The following RBFOX1 variants were observed in gnomAD, a reference collection of about 807,000 sequenced individuals.
RBFOX1 encodes RNA binding protein fox-1 homolog 1.
A neutral mutation model predicts 57.7 loss-of-function variants in RBFOX1; 8 were observed. The ratio of observed to expected loss-of-function variants is 0.14; its 90% CI spans 0.08 to 0.25. RBFOX1 has a LOEUF of 0.25. Ranked by LOEUF, RBFOX1 falls within the 10% of genes least tolerant of loss-of-function variation. The probability of loss-of-function intolerance (pLI) is 1.00; values close to 1 mark genes in which losing one functional copy is unlikely to be tolerated. For missense variants in RBFOX1, 611 were observed against 548.5 expected (o/e 1.11, Z -1.14); for synonymous variants, 326 against 222.4 (o/e 1.47, Z -4.15).
At chr16:6,836,996 G>C (rs1421164422) in intron 3 of RBFOX1, among the ~76,000 whole-genome samples, 1 of 152,068 alleles carries the variant, frequency 6.6e-6, no homozygotes, top group African/African-American at 2.4e-5. Flanking sequence ...GACTCACATA[G>C]CTTCTCACGG....
intron 3 of RBFOX1, among the ~76,000 whole-genome samples, chr16:6,988,499 T>C (rs916711566): frequency 6.6e-6 from 1 of 152,106 alleles, no homozygotes; most frequent in Non-Finnish European, 1.5e-5. Context: ...GGGCTAAATA[T>C]ATTTTTAAAA....
chr16:7,169,235 A>G (rs1156756269), intron 4 of RBFOX1, among the ~76,000 whole-genome samples: 1 of 152,232 alleles, frequency 6.6e-6, no homozygotes, highest in African/African-American at 2.4e-5. Flanking sequence ...TGACGATGAA[A>G]ATCATAATAA....
chr16:5,743,542 G>T (rs2052860477), intron 3 of RBFOX1, among the ~76,000 whole-genome samples: 1 of 152,168 alleles, frequency 6.6e-6, no homozygotes. Context: ...ATATTAAAAT[G>T]ATCATTTTTT....
intron 2 of RBFOX1, among the ~76,000 whole-genome samples, chr16:5,556,879 A>G (rs1308270369): frequency 6.6e-6 from 1 of 152,202 alleles, no homozygotes; most frequent in Non-Finnish European, 1.5e-5. Flanking sequence ...TTATATGTCC[A>G]TTTTATAGGC....
chr16:7,082,568 A>T (rs1031396219), intron 4 of RBFOX1, among the ~76,000 whole-genome samples: 7 of 152,098 alleles, frequency 4.6e-5, no homozygotes, highest in East Asian at 1.9e-4. Flanking sequence ...TCTCAAAAAA[A>T]AAAAAATAAA....
chr16:6,911,822 T>C (rs2071690852), intron 3 of RBFOX1, among the ~76,000 whole-genome samples: 1 of 152,200 alleles, frequency 6.6e-6, no homozygotes, highest in African/African-American at 2.4e-5. Context: ...AGTAAATGAA[T>C]TTACTTTTTA....
intron 3 of RBFOX1, among the ~76,000 whole-genome samples, chr16:6,950,678 T>C (rs574311765): frequency 1.4e-4 from 22 of 152,086 alleles, no homozygotes; most frequent in Non-Finnish European, 2.6e-4. Context: ...GAGGTTCAGG[T>C]TGAGTTGAAG....
chr16:6,514,713 G>A (rs531302777), intron 2 of RBFOX1, among the ~76,000 whole-genome samples: 1 of 152,000 alleles, frequency 6.6e-6, no homozygotes. Context: ...CTCCTCCATA[G>A]TCATGAAGTT....
intron 2 of RBFOX1, among the ~76,000 whole-genome samples, chr16:6,521,500 T>C (rs532875544): frequency 1.4e-5 from 2 of 146,244 alleles, no homozygotes; most frequent in African/African-American, 5.1e-5. Flanking sequence ...CCTCCCGTTT[T>C]ATCCCCTCCC....
intron 3 of RBFOX1, among the ~76,000 whole-genome samples, chr16:6,936,594 A>C (rs971441014): frequency 2.6e-5 from 4 of 152,270 alleles, no homozygotes. Flanking sequence ...TGCCAGCCTA[A>C]GCACTTGACA....
At chr16:6,656,215 T>G (rs928224712) in intron 3 of RBFOX1, among the ~76,000 whole-genome samples, 5 of 152,210 alleles carry the variant, frequency 3.3e-5, no homozygotes, top group Non-Finnish European at 2.9e-5. Context: ...TCAGAGTGTT[T>G]AGAAAGCATG....
At chr16:6,891,506 A>G (rs998239234) in intron 3 of RBFOX1, among the ~76,000 whole-genome samples, 5 of 152,074 alleles carry the variant, frequency 3.3e-5, no homozygotes, top group South Asian at 2.1e-4. Flanking sequence ...GGGAAGATAT[A>G]TCAGCTACAT....
chr16:6,731,880 C>G (rs955687505), intron 3 of RBFOX1, among the ~76,000 whole-genome samples: 3 of 151,992 alleles, frequency 2.0e-5, no homozygotes, highest in East Asian at 3.9e-4. Flanking sequence ...TCCAAACAAA[C>G]AAAGTATCTG....
intron 1 of RBFOX1, among the ~76,000 whole-genome samples, chr16:6,257,905 A>G (rs1257110146): frequency 2.0e-5 from 3 of 152,138 alleles, no homozygotes; most frequent in Admixed American, 6.5e-5. Context: ...GTGTCTTTAT[A>G]CTAGAATGAT....
At chr16:6,283,301 G>A (rs1212887658) in intron 1 of RBFOX1, among the ~76,000 whole-genome samples, 1 of 152,112 alleles carries the variant, frequency 6.6e-6, no homozygotes, top group African/African-American at 2.4e-5. Context: ...ACCCAACCTG[G>A]ATTACAGAGC....
chr16:7,364,781 T>G (rs1238538248), intron 4 of RBFOX1, among the ~76,000 whole-genome samples: 1 of 152,164 alleles, frequency 6.6e-6, no homozygotes, highest in African/African-American at 2.4e-5. Context: ...GGTAATCTGT[T>G]GGAAGAAGTC....
intron 1 of RBFOX1, among the ~76,000 whole-genome samples, chr16:6,295,540 T>A (rs2078006578): frequency 6.6e-6 from 1 of 152,212 alleles, no homozygotes; most frequent in Admixed American, 6.5e-5. Flanking sequence ...GTTTGAATAT[T>A]AAGTGTCAAA....
intron 7 of RBFOX1, among the ~76,000 whole-genome samples, chr16:7,593,188 A>G (rs1425001641): frequency 6.6e-6 from 1 of 152,172 alleles, no homozygotes; most frequent in Admixed American, 6.5e-5. Flanking sequence ...ACTGGGCCAC[A>G]CATTTTAAGC....
At chr16:6,458,096 G>A (rs2094821505) in intron 2 of RBFOX1, among the ~76,000 whole-genome samples, 1 of 152,202 alleles carries the variant, frequency 6.6e-6, no homozygotes, top group Admixed American at 6.5e-5. Flanking sequence ...CCAGGGCTGG[G>A]GAAGTTTGAA....
Sources: allele counts gnomAD v4.1 joint callset (sites outside exome capture counted in the v4.1 genomes callset), GRCh38; gene constraint gnomAD v4.1.1; transcripts MANE v1.5; gene names NCBI Gene and HGNC (gene_info 2026-07-23, HGNC 2026-07-21).